The following DCDC2 variants were observed in gnomAD, a reference collection of about 807,000 sequenced individuals.
DCDC2 encodes doublecortin domain containing 2.
DCDC2 carries 40 observed loss-of-function variants against 50.2 expected under a neutral mutation model. The ratio of observed to expected loss-of-function variants is 0.80; its 90% CI spans 0.62 to 1.04. The LOEUF is 1.04. Ranked by LOEUF, DCDC2 falls within the 50% of genes least tolerant of loss-of-function variation. The pLI is 0.00. For synonymous variants in DCDC2, 234 were observed against 210.6 expected (o/e 1.11, Z -0.96); for missense variants, 570 against 581.9 (o/e 0.98, Z 0.21).
At chr6:24,381,848 A>G in the DCDC2 span, among the ~76,000 whole-genome samples, 4 of 146,492 alleles carry the variant, frequency 2.7e-5, no homozygotes, top group African/African-American at 1.0e-4. Context: ...GGAAGGAAGG[A>G]AGGAAGGAAG....
the DCDC2 span, among the ~76,000 whole-genome samples, chr6:24,371,471 G>T: frequency 2.6e-5 from 4 of 152,022 alleles, no homozygotes; most frequent in African/African-American, 9.7e-5. Flanking sequence ...AGCCGGGTGT[G>T]GTGGCACATG....
chr6:24,286,566 C>T (rs1167411408), intron 6 of DCDC2, among the ~76,000 whole-genome samples: 4 of 148,766 alleles, frequency 2.7e-5, no homozygotes, highest in African/African-American at 5.0e-5. Context: ...GTACACCACC[C>T]TGGGTGACAG....
intron 7 of DCDC2, among the ~76,000 whole-genome samples, chr6:24,245,177 G>A (rs187995573): frequency 6.6e-6 from 1 of 152,346 alleles, no homozygotes; most frequent in East Asian, 1.9e-4. Flanking sequence ...CTTGGCGACA[G>A]AGGGAAACTC....
intron 7 of DCDC2, among the ~76,000 whole-genome samples, chr6:24,220,870 A>AGAGAGACAGAGAGAGAC (rs1554146303): frequency 7.9e-6 from 1 of 127,116 alleles, no homozygotes; most frequent in Non-Finnish European, 1.6e-5. Context: ...GACAGAGAGC[A>AGAGAGACAGAGAGAGAC]AGAGAGCGAG....
At chr6:24,258,552 C>T (rs966729018) in intron 7 of DCDC2, among the ~76,000 whole-genome samples, 2 of 152,172 alleles carry the variant, frequency 1.3e-5, no homozygotes, top group African/African-American at 4.8e-5. Context: ...CAAGTCCCCA[C>T]CCGACCCAGA....
chr6:24,187,541 A>G (rs774626601), intron 8 of DCDC2, among the ~76,000 whole-genome samples: 2 of 152,230 alleles, frequency 1.3e-5, no homozygotes, highest in Non-Finnish European at 1.5e-5. Context: ...AATAGTGAAC[A>G]TAAATTGCTA....
chr6:24,261,123 T>A (rs568739214), intron 7 of DCDC2, among the ~76,000 whole-genome samples: 74 of 151,852 alleles, frequency 4.9e-4, no homozygotes, highest in African/African-American at 1.7e-3. Context: ...TTTCACCTCA[T>A]ACAAAAAGAG....
chr6:24,193,279 G>T (rs188559256), intron 8 of DCDC2, among the ~76,000 whole-genome samples: 1 of 152,208 alleles, frequency 6.6e-6, no homozygotes, highest in East Asian at 1.9e-4. Flanking sequence ...GTGTAACCAA[G>T]ATAGAGGAAG....
chr6:24,264,027 A>G (rs887539537), intron 7 of DCDC2, among the ~76,000 whole-genome samples: 1 of 152,216 alleles, frequency 6.6e-6, no homozygotes, highest in African/African-American at 2.4e-5. Context: ...AAGCTCAAAT[A>G]CATCTGGTAG....
intron 2 of DCDC2, among the ~76,000 whole-genome samples, chr6:24,310,396 A>G (rs942039031): frequency 4.6e-5 from 7 of 152,150 alleles, no homozygotes; most frequent in African/African-American, 1.7e-4. Flanking sequence ...GCATAACTGG[A>G]TACTCCATCA....
chr6:24,211,141 G>T (rs980142336), intron 7 of DCDC2, among the ~76,000 whole-genome samples: 1 of 152,038 alleles, frequency 6.6e-6, no homozygotes, highest in Non-Finnish European at 1.5e-5. Context: ...CAGTTTGTCC[G>T]TATTTTTCAC....
At chr6:24,252,995 A>G (rs921155235) in intron 7 of DCDC2, among the ~76,000 whole-genome samples, 2 of 152,304 alleles carry the variant, frequency 1.3e-5, no homozygotes, top group Middle Eastern at 3.4e-3. Flanking sequence ...TTTTACATAA[A>G]TAATGAAAAT....
chr6:24,246,610 C>T (rs567301862), intron 7 of DCDC2, among the ~76,000 whole-genome samples: 84 of 150,668 alleles, frequency 5.6e-4, no homozygotes, highest in South Asian at 3.4e-3. Context: ...CCTCAGCCTC[C>T]GGAGTAGCTG....
chr6:24,270,202 G>A (rs1418229020), intron 7 of DCDC2, among the ~76,000 whole-genome samples: 1 of 152,106 alleles, frequency 6.6e-6, no homozygotes, highest in Non-Finnish European at 1.5e-5. Flanking sequence ...TGTCAGTCTG[G>A]CAATTTCCAG....
chr6:24,253,250 A>G (rs1295714935), intron 7 of DCDC2, among the ~76,000 whole-genome samples: 1 of 152,164 alleles, frequency 6.6e-6, no homozygotes, highest in Non-Finnish European at 1.5e-5. Context: ...AAGCTAAACT[A>G]ATTATAAAAA....
At chr6:24,218,561 T>C (rs557307021) in intron 7 of DCDC2, among the ~76,000 whole-genome samples, 1 of 152,204 alleles carries the variant, frequency 6.6e-6, no homozygotes, top group African/African-American at 2.4e-5. Context: ...GGCACAGTCA[T>C]AGCTCACTGC....
chr6:24,312,233 C>T (rs1421272431), intron 2 of DCDC2, among the ~76,000 whole-genome samples: 3 of 148,480 alleles, frequency 2.0e-5, no homozygotes, highest in Admixed American at 7.1e-5. Context: ...ACTCCTTTTT[C>T]GGACTCAGTC....
chr6:24,242,719 T>C lies in DCDC2; in HGVS notation c.922+35330A>G, dbSNP rs1275134784. Among the ~76,000 whole-genome samples the C allele has an allele frequency of 2.0e-5, 3 of 152,104 alleles. No individual in the cohort carries two copies. In the East Asian group the frequency reaches 5.8e-4, roughly 29 times the overall value. ...GCTCACGCCTGTAATTCCAGCACCT[T>C]GGGAGGCCAAGACGGGCGGATCACT... On this transcript the variant is annotated intron_variant, in intron 7 of 9. Transcript: ENST00000378454.
At chr6:24,202,432 CTCTT>C (rs1761609610) in intron 8 of DCDC2, among the ~76,000 whole-genome samples, 1 of 152,074 alleles carries the variant, frequency 6.6e-6, no homozygotes. Context: ...AAATTCAACA[CTCTT>C]TCATGCTAAA....
Sources: allele counts gnomAD v4.1 joint callset (sites outside exome capture counted in the v4.1 genomes callset), GRCh38; gene constraint gnomAD v4.1.1; transcripts MANE v1.5; gene names NCBI Gene and HGNC (gene_info 2026-07-23, HGNC 2026-07-21).